Variants in IKZF2 observed in about 807,000 individuals in gnomAD.
The protein encoded by IKZF2 is zinc finger protein Helios.
A neutral mutation model predicts 49.2 loss-of-function variants in IKZF2; 15 were observed. That is an observed-to-expected ratio of 0.30 (90% CI 0.20 to 0.47). The LOEUF (loss-of-function observed/expected upper bound fraction) is 0.47, where lower values mean the gene tolerates loss of function less well. Ranked by LOEUF, IKZF2 falls within the 20% of genes least tolerant of loss-of-function variation. The probability of loss-of-function intolerance (pLI) is 1.00; values close to 1 mark genes in which losing one functional copy is unlikely to be tolerated. For missense variants in IKZF2, 567 were observed against 664.6 expected (o/e 0.85, Z 1.61); for synonymous variants, 227 against 221.4 (o/e 1.03, Z -0.23).
Position 213,013,884 on chromosome 2 carries a change from T to C in IKZF2, c.763A>G (p.Ile255Val), listed in dbSNP as rs1696262679. 2.5e-6 allele frequency: 4 copies of C among 1,611,948 alleles called. No individual in the cohort carries two copies. The highest frequency in any genetic ancestry group is 1.7e-6 in the Non-Finnish European group (2 of 1,178,420). The change falls in exon 8 of 9, where the codon ATT (isoleucine) becomes GTT (valine). Residue 255 changes from isoleucine (I) to valine (V), a missense_variant. By Grantham distance (29) the Ile-to-Val change is conservative. Around this residue, in one of 5 missense-constraint regions of IKZF2, gnomAD observed 310 missense variants for 326.9 expected, o/e 0.95. Transcript: ENST00000434687. The part of the protein sequence containing the change: ...KEQEPIMDNN[I>V]SLVPFERPAV... Reference sequence around the variant, plus strand: ...GGTCTCTCAAAAGGCACCAGAGAAATATTGTTGTCCATAATAGGCTCTTGT... The same window carrying C: ...GGTCTCTCAAAAGGCACCAGAGAAACATTGTTGTCCATAATAGGCTCTTGT...
At chr2:213,020,145 T>C (rs1187210776) in intron 7 of IKZF2, among the ~76,000 whole-genome samples, 1 of 152,156 alleles carries the variant, frequency 6.6e-6, no homozygotes, top group South Asian at 2.1e-4. Context: ...ATAAGGTGTT[T>C]TGGGGAAGAT....
intron 4 of IKZF2, among the ~76,000 whole-genome samples, chr2:213,138,307 T>C (rs922015442): frequency 6.6e-6 from 1 of 151,996 alleles, no homozygotes; most frequent in African/African-American, 2.4e-5. Context: ...TTGTATAGAA[T>C]CAGAAAACAT....
Position 213,040,969 on chromosome 2 carries a change from T to C in IKZF2, c.574+8744A>G, listed in dbSNP as rs983643153. Among the ~76,000 whole-genome samples the C allele has an allele frequency of 2.6e-5, 4 of 151,788 alleles. No individual in the cohort carries two copies. In the East Asian group the frequency reaches 7.7e-4, roughly 29 times the overall value. Reference sequence around the variant, plus strand: ...CCCGTCTCTACTAAAAATACAAAAATTAGTTGGGCGTGGTGGTGCACGCCT... The same window carrying C: ...CCCGTCTCTACTAAAAATACAAAAACTAGTTGGGCGTGGTGGTGCACGCCT... On this transcript the variant is annotated intron_variant, in intron 6 of 8. Transcript: ENST00000434687.
intron 4 of IKZF2, among the ~76,000 whole-genome samples, chr2:213,146,762 G>GGGGT (rs2061083449): frequency 7.4e-6 from 1 of 134,456 alleles, no homozygotes; most frequent in African/African-American, 2.7e-5. Context: ...AAATCTTCGG[G>GGGGT]GGGGGGGAAG....
intron 6 of IKZF2, among the ~76,000 whole-genome samples, chr2:213,043,152 C>T (rs913665212): frequency 6.6e-6 from 1 of 151,066 alleles, no homozygotes; most frequent in Non-Finnish European, 1.5e-5. Context: ...AAAATACCAC[C>T]TTGTACAGGG....
In IKZF2 at chr2:213,007,748, G is replaced by A; in HGVS notation, c.1193C>T (p.Ala398Val). 1 of 1,613,706 alleles carries A rather than the reference G, an allele frequency of 6.2e-7. No individual in the cohort carries two copies. Among genetic ancestry groups the A allele is most frequent in the Non-Finnish European group, 8.5e-7 (1 of 1,179,772 alleles). Residue 398 changes from alanine (A) to valine (V), a missense_variant, in exon 9 of 9, where the codon GCC becomes GTC. Around this residue, in one of 5 missense-constraint regions of IKZF2, gnomAD observed 310 missense variants for 326.9 expected, o/e 0.95. Coordinates refer to ENST00000434687, the MANE Select transcript of IKZF2 (RefSeq NM_001387220.1). The stretch of plus-strand genomic sequence containing the variant: ...ATCCAGGCAGCTATTGCTGGGAGAG[G>A]CCTCTCTTTCCTGGGGTCGACTCTT... ...RPKSRPQERE[A>V]SPSNSCLDST...
At chr2:213,028,812 A>G (rs983838038) in intron 6 of IKZF2, among the ~76,000 whole-genome samples, 3 of 152,086 alleles carry the variant, frequency 2.0e-5, no homozygotes, top group African/African-American at 4.8e-5. Flanking sequence ...ACACTCATCA[A>G]ATGATAACCA....
intron 4 of IKZF2, among the ~76,000 whole-genome samples, chr2:213,058,810 A>C (rs1032394986): frequency 1.3e-4 from 19 of 151,906 alleles, no homozygotes; most frequent in African/African-American, 4.6e-4. Context: ...GAACCCATAA[A>C]CATGGCAAAG....
At chr2:213,144,249 G>C (rs180755741) in intron 4 of IKZF2, among the ~76,000 whole-genome samples, 2 of 151,810 alleles carry the variant, frequency 1.3e-5, no homozygotes, top group Non-Finnish European at 2.9e-5. Flanking sequence ...AGCATTGACT[G>C]TACAGTTGAT....
intron 4 of IKZF2, among the ~76,000 whole-genome samples, chr2:213,090,168 A>C (rs1239942591): frequency 6.6e-6 from 1 of 152,168 alleles, no homozygotes; most frequent in Non-Finnish European, 1.5e-5. Context: ...GTGACAGCTG[A>C]GAGAATGGTT....
intron 4 of IKZF2, among the ~76,000 whole-genome samples, chr2:213,116,997 C>T (rs952640180): frequency 6.6e-6 from 1 of 152,002 alleles, no homozygotes; most frequent in Non-Finnish European, 1.5e-5. Context: ...ACTGTTGTAC[C>T]TCGTAATTTG....
chr2:213,068,693 G>A (rs1702383941), intron 4 of IKZF2, among the ~76,000 whole-genome samples: 1 of 151,984 alleles, frequency 6.6e-6, no homozygotes, highest in South Asian at 2.1e-4. Context: ...ATGTGTTCAG[G>A]TGTTTCTGAG....
chr2:213,124,256 A>ACG (rs1375751992), intron 4 of IKZF2, among the ~76,000 whole-genome samples: 1 of 81,070 alleles, frequency 1.2e-5, no homozygotes, highest in African/African-American at 5.0e-5. Context: ...GCGCGCGCAC[A>ACG]CACACACACA....
chr2:213,143,802 T>C (rs938684248), intron 4 of IKZF2, among the ~76,000 whole-genome samples: 2 of 151,934 alleles, frequency 1.3e-5, no homozygotes, highest in African/African-American at 2.4e-5. Flanking sequence ...CCTGAAAAGA[T>C]AATCTGATAT....
chr2:213,099,652 C>T (rs1446681718), intron 4 of IKZF2, among the ~76,000 whole-genome samples: 3 of 152,126 alleles, frequency 2.0e-5, no homozygotes, highest in African/African-American at 7.2e-5. Context: ...CATGTTATTA[C>T]CTCCTCATTT....
chr2:213,084,709 A>C (rs957452083), intron 4 of IKZF2, among the ~76,000 whole-genome samples: 5 of 152,158 alleles, frequency 3.3e-5, no homozygotes, highest in African/African-American at 1.2e-4. Context: ...CCTTTTACAC[A>C]TGAAAAAATA....
intron 4 of IKZF2, among the ~76,000 whole-genome samples, chr2:213,144,701 A>G (rs2060985354): frequency 6.6e-6 from 1 of 151,930 alleles, no homozygotes. Context: ...TTGTCAGCAG[A>G]CTCAATATGT....
intron 5 of IKZF2, 57 bp downstream of exon 5, chr2:213,056,776 G>A: frequency 6.3e-7 from 1 of 1,591,444 alleles, no homozygotes; most frequent in Admixed American, 1.7e-5. Flanking sequence ...TAGATGTCAG[G>A]TAATATCAAC....
intron 1 of IKZF2, 129 bp from the exon 2 acceptor site, chr2:213,150,376 AG>A (rs1376245466): frequency 3.1e-6 from 1 of 327,232 alleles, no homozygotes; most frequent in African/African-American, 2.2e-5. Flanking sequence ...AGCACTTTAC[AG>A]GTGGGTCATT....
Sources: allele counts gnomAD v4.1 joint callset (sites outside exome capture counted in the v4.1 genomes callset), GRCh38; gene constraint gnomAD v4.1.1; regional missense constraint gnomAD v4.1.1; transcripts MANE v1.5; gene names NCBI Gene and HGNC (gene_info 2026-07-23, HGNC 2026-07-21).